The following PAH variants were observed in gnomAD, a reference collection of about 807,000 sequenced individuals.
PAH encodes phenylalanine hydroxylase, also known as phenylalanine-4-hydroxylase.
PAH carries 64 observed loss-of-function variants against 62.0 expected under a neutral mutation model. The ratio of observed to expected loss-of-function variants is 1.03; its 90% CI spans 0.84 to 1.27. The LOEUF (loss-of-function observed/expected upper bound fraction) is 1.27, where lower values mean the gene tolerates loss of function less well. PAH is among the 50% of genes most tolerant of loss of function. The pLI, the probability that PAH is intolerant of heterozygous loss-of-function variation, is 0.00. For missense variants in PAH, 579 were observed against 542.8 expected (o/e 1.07, Z -0.66); for synonymous variants, 195 against 196.2 (o/e 0.99, Z 0.05).
intron 3 of PAH, among the ~76,000 whole-genome samples, chr12:102,892,662 A>T: frequency 6.6e-6 from 1 of 152,354 alleles, no homozygotes; most frequent in Non-Finnish European, 1.5e-5. Context: ...GTAAATATGT[A>T]TTGCTAAATG....
At position 102,900,938 on chromosome 12, in the gene PAH, G is replaced by A. The variant is rs377246237; in HGVS notation, c.169-6020C>T. On this transcript the variant is annotated intron_variant, in intron 2 of 12. Transcript: ENST00000553106. Reference sequence around the variant, plus strand: ...TTGAACTTTTCAAAAACAATTTCACGATTTGTCTAATATTTAATTTATGCA... The same window carrying A: ...TTGAACTTTTCAAAAACAATTTCACAATTTGTCTAATATTTAATTTATGCA... Among the ~76,000 whole-genome samples the A allele has an allele frequency of 3.3e-5, 5 of 152,148 alleles. No homozygotes were observed. The East Asian group carries it at 7.7e-4, about 24-fold the overall frequency.
At chr12:102,915,246 T>G (rs1001138643) in intron 1 of PAH, 2 of 152,220 alleles carry the variant, frequency 1.3e-5, no homozygotes, top group African/African-American at 4.8e-5. Flanking sequence ...CTTCTTTATC[T>G]ATGCTTTCCA....
upstream of PAH, chr12:102,917,287 GC>G (rs1878424489): frequency 1.4e-6 from 1 of 703,022 alleles, no homozygotes; most frequent in Admixed American, 2.1e-5. Context: ...GCACAGTAAC[GC>G]CCCTCGTGGG....
chr12:102,952,733 T>C (rs1879803234), upstream of PAH, among the ~76,000 whole-genome samples: 1 of 152,162 alleles, frequency 6.6e-6, no homozygotes, highest in African/African-American at 2.4e-5. Context: ...CACAATAAAA[T>C]ATAGTTTGTG....
At chr12:102,868,597 T>A (rs1285598011) in intron 4 of PAH, among the ~76,000 whole-genome samples, 1 of 152,050 alleles carries the variant, frequency 6.6e-6, no homozygotes. Context: ...GGAATCTGAG[T>A]ACTTAAAACT....
intron 1 of PAH, among the ~76,000 whole-genome samples, chr12:102,927,352 G>A (rs986201740): frequency 6.9e-6 from 1 of 145,466 alleles, no homozygotes; most frequent in African/African-American, 2.6e-5. Context: ...CCCAGATACT[G>A]CCTGGCAGTT....
intron 1 of PAH, among the ~76,000 whole-genome samples, chr12:102,942,485 C>A (rs1241806754): frequency 1.3e-5 from 2 of 151,968 alleles, no homozygotes; most frequent in Non-Finnish European, 2.9e-5. Context: ...GGTAAAATGG[C>A]CATACTACCC....
In PAH at chr12:102,861,160, A is replaced by C. The variant is rs562732941; in HGVS notation, c.509+5436T>G. Among the ~76,000 whole-genome samples the C allele has an allele frequency of 2.1e-3, 321 of 152,352 alleles. 2 individuals are homozygous for C. Among genetic ancestry groups the C allele is most frequent in the African/African-American group, 7.3e-3 (304 of 41,588 alleles). ...CAAGAAAAAAACAACCCCATCAAAA[A>C]ATGGGCAAAGGATATGAACAGACAC... On this transcript the variant is annotated intron_variant, in intron 5 of 12. Coordinates refer to ENST00000553106, the MANE Select transcript of PAH (RefSeq NM_000277.3).
At chr12:102,849,090 T>A (rs1277554523) in intron 8 of PAH, among the ~76,000 whole-genome samples, 1 of 152,190 alleles carries the variant, frequency 6.6e-6, no homozygotes, top group African/African-American at 2.4e-5. Context: ...TGAGAAATGA[T>A]AGTGGCTGAG....
At chr12:102,845,270 G>A (rs1157552272) in intron 9 of PAH, among the ~76,000 whole-genome samples, 1 of 152,104 alleles carries the variant, frequency 6.6e-6, no homozygotes, top group Non-Finnish European at 1.5e-5. Flanking sequence ...CCCAAAAGGA[G>A]GCTCCCAACA....
chr12:102,862,609 C>T (rs1035985375), intron 5 of PAH, among the ~76,000 whole-genome samples: 2 of 152,152 alleles, frequency 1.3e-5, no homozygotes, highest in African/African-American at 2.4e-5. Flanking sequence ...TGGGAATGAA[C>T]TGTGTTCGGA....
intron 5 of PAH, among the ~76,000 whole-genome samples, chr12:102,861,404 AT>A (rs1157164352): frequency 6.6e-6 from 1 of 152,258 alleles, no homozygotes; most frequent in African/African-American, 2.4e-5. Flanking sequence ...TGGTTCAACC[AT>A]TGTGGAAGAC....
At chr12:102,882,663 TATATATATATATAA>T (rs566177922) in intron 3 of PAH, among the ~76,000 whole-genome samples, 24,462 of 84,902 alleles carry the variant, frequency 0.29, 2,555 homozygotes, top group Admixed American at 0.44. Context: ...TATATATATA[TATATATATATATAA>T]AATTTTTTTC....
chr12:102,876,760 A>G (rs1876580835), intron 4 of PAH, among the ~76,000 whole-genome samples: 1 of 152,084 alleles, frequency 6.6e-6, no homozygotes, highest in Non-Finnish European at 1.5e-5. Context: ...AGAGGGAACG[A>G]TGAAATATCC....
At chr12:102,897,040 G>C (rs1446758246) in intron 2 of PAH, among the ~76,000 whole-genome samples, 3 of 152,128 alleles carry the variant, frequency 2.0e-5, no homozygotes, top group African/African-American at 7.2e-5. Flanking sequence ...AGAAATAACG[G>C]TCAGCAATAT....
upstream of PAH, chr12:102,917,486 T>C (rs1878435944): frequency 5.6e-6 from 2 of 354,624 alleles, no homozygotes; most frequent in Non-Finnish European, 1.1e-5. Flanking sequence ...ATTAGACAGG[T>C]TTAGGCACTT....
At chr12:102,947,357 G>A (rs1565884854) in intron 1 of PAH, among the ~76,000 whole-genome samples, 1 of 152,118 alleles carries the variant, frequency 6.6e-6, no homozygotes, top group South Asian at 2.1e-4. Flanking sequence ...CGAGTTGAGG[G>A]AATAAGCATG....
At chr12:102,944,370 C>T (rs1879411158) in intron 1 of PAH, among the ~76,000 whole-genome samples, 1 of 152,114 alleles carries the variant, frequency 6.6e-6, no homozygotes, top group Admixed American at 6.5e-5. Flanking sequence ...CTCTCTCTAC[C>T]TTCTCTTTAA....
chr12:102,860,030 A>C (rs1875645702), intron 5 of PAH, among the ~76,000 whole-genome samples: 1 of 152,208 alleles, frequency 6.6e-6, no homozygotes, highest in South Asian at 2.1e-4. Context: ...GAAAAGAGGA[A>C]ATCAAATTGT....
Sources: allele counts gnomAD v4.1 joint callset (sites outside exome capture counted in the v4.1 genomes callset), GRCh38; gene constraint gnomAD v4.1.1; transcripts MANE v1.5; gene names NCBI Gene and HGNC (gene_info 2026-07-23, HGNC 2026-07-21).